Variants in PPFIBP2 observed in about 807,000 individuals in gnomAD.
PPFIBP2 encodes the protein PPFIB scaffold protein 2.
Under a neutral mutation model 118.3 loss-of-function variants are expected in PPFIBP2, and 118 were observed. The observed-to-expected ratio is 1.00, with a 90% CI of 0.86 to 1.16. PPFIBP2 has a LOEUF of 1.16. Ranked by LOEUF, PPFIBP2 falls within the 50% of genes most tolerant of loss-of-function variation. PPFIBP2 has a pLI of 0.00. For synonymous variants in PPFIBP2, 414 were observed against 397.4 expected (o/e 1.04, Z -0.50); for missense variants, 1,195 against 1,073.1 (o/e 1.11, Z -1.59).
chr11:7,619,929 A>G (rs747179952), intron 6 of PPFIBP2, among the ~76,000 whole-genome samples: 41 of 152,246 alleles, frequency 2.7e-4, no homozygotes, highest in Non-Finnish European at 4.6e-4. Flanking sequence ...TGCAGTTCAG[A>G]AAGCCTATGG....
At chr11:7,600,615 C>T (rs1168047017) in intron 5 of PPFIBP2, among the ~76,000 whole-genome samples, 1 of 152,202 alleles carries the variant, frequency 6.6e-6, no homozygotes, top group East Asian at 1.9e-4. Context: ...CAAGGCGAGC[C>T]TGCTGCTCAA....
chr11:7,550,110 A>G (rs1363954347), intron 2 of PPFIBP2, among the ~76,000 whole-genome samples: 4 of 152,340 alleles, frequency 2.6e-5, no homozygotes, highest in African/African-American at 9.6e-5. Flanking sequence ...AGCTGTGGTT[A>G]ATTTGAAAGG....
chr11:7,632,847 C>G lies in PPFIBP2; in HGVS notation c.1069-20C>G, dbSNP rs2135780091. The G allele has an allele frequency of 1.2e-6, 2 of 1,602,270 alleles. No homozygotes were observed. Among genetic ancestry groups the G allele is most frequent in the East Asian group, 2.2e-5 (1 of 44,794 alleles). On this transcript the variant is annotated intron_variant, in intron 11 of 23. Coordinates refer to ENST00000299492, the MANE Select transcript of PPFIBP2 (RefSeq NM_003621.5). ...CCAAACAGACTGTCCTCTACCGTGACTCTTCTGTCTCTGGTGCAGATGCCT... is the reference window on the plus strand; with the variant it reads ...CCAAACAGACTGTCCTCTACCGTGAGTCTTCTGTCTCTGGTGCAGATGCCT...
At chr11:7,577,311 ATGTATGTGCGTG>A (rs1240986684) in intron 3 of PPFIBP2, 10 of 224,956 alleles carry the variant, frequency 4.4e-5, no homozygotes, top group African/African-American at 2.1e-4. Flanking sequence ...GTGTGCGTGC[ATGTATGTGCGTG>A]TGTGTGTGTG....
intron 5 of PPFIBP2, 28 bp downstream of exon 5, chr11:7,597,701 G>A: frequency 6.4e-7 from 1 of 1,565,108 alleles, no homozygotes; most frequent in Non-Finnish European, 8.8e-7. Context: ...GAAGGCCCTT[G>A]GGTGCCGAAG....
chr11:7,534,906 C>T (rs1189594313), intron 1 of PPFIBP2, among the ~76,000 whole-genome samples: 1 of 152,242 alleles, frequency 6.6e-6, no homozygotes, highest in African/African-American at 2.4e-5. Context: ...CCGCAGGTTG[C>T]TGGGGAGCCA....
At chr11:7,534,675 T>TA (rs1851047014) in intron 1 of PPFIBP2, among the ~76,000 whole-genome samples, 1 of 151,888 alleles carries the variant, frequency 6.6e-6, no homozygotes. Context: ...AGAATGGAGG[T>TA]AAGGACTACC....
At chr11:7,614,430 A>G (rs926971487) in intron 6 of PPFIBP2, among the ~76,000 whole-genome samples, 1 of 152,188 alleles carries the variant, frequency 6.6e-6, no homozygotes, top group Non-Finnish European at 1.5e-5. Flanking sequence ...TTTTACACCA[A>G]GTATGTTTTT....
At position 7,629,462 on chromosome 11, in the gene PPFIBP2, C is replaced by G. The variant is rs112515313; in HGVS notation, c.892C>G (p.Arg298Gly). The change falls in exon 10 of 24, where the codon CGT (arginine) becomes GGT (glycine). Residue 298 changes from arginine (R) to glycine (G), a missense_variant. Coordinates refer to ENST00000299492, the MANE Select transcript of PPFIBP2 (RefSeq NM_003621.5). ...ATCTCTACTTGCACTATGGCAGGAC[C>G]GTCGGATAGAGGAGCTTACGGGGCT... ...TLLLANEDKD[R>G]RIEELTGLLN... The G allele has an allele frequency of 5.6e-6, 9 of 1,613,828 alleles. No individual in the cohort carries two copies. Among genetic ancestry groups the G allele is most frequent in the Non-Finnish European group, 7.6e-6 (9 of 1,179,794 alleles).
chr11:7,597,343 A>G (rs1398756259), intron 4 of PPFIBP2: 3 of 1,535,632 alleles, frequency 2.0e-6, no homozygotes, highest in Non-Finnish European at 1.7e-6. Flanking sequence ...GACCCATGTC[A>G]TCAGAGCAGT....
At chr11:7,594,078 C>T (rs1038156931) in intron 4 of PPFIBP2, among the ~76,000 whole-genome samples, 17 of 152,256 alleles carry the variant, frequency 1.1e-4, no homozygotes, top group Non-Finnish European at 2.2e-4. Context: ...CTGGAACCCA[C>T]CCCAGGCTAT....
At chr11:7,608,644 AAAACAAAC>A (rs71470486) in intron 5 of PPFIBP2, among the ~76,000 whole-genome samples, 2 of 152,116 alleles carry the variant, frequency 1.3e-5, no homozygotes, top group African/African-American at 4.8e-5. Context: ...CTGTCTCAAA[AAAACAAAC>A]AAACAAACAA....
In PPFIBP2 at chr11:7,632,318, T is replaced by C. The variant is rs183836436; in HGVS notation, c.1069-549T>C. The C allele has an allele frequency of 9.8e-3, 1,506 of 154,028 alleles. 14 individuals carry two copies. The highest frequency in any genetic ancestry group is 0.023 in the South Asian group (112 of 4,906). 9.5% of individuals were successfully genotyped at this position (154,028 alleles called of 1,614,324 possible). On this transcript the variant is annotated intron_variant, in intron 11 of 23. Coordinates refer to ENST00000299492, the MANE Select transcript of PPFIBP2 (RefSeq NM_003621.5). ...TACAGGTGTTGGAGCCATAAGAGCA[T>C]TGCACATTATTCTGTTATCCTAGTG...
chr11:7,537,881 C>T (rs1851368679), intron 1 of PPFIBP2, among the ~76,000 whole-genome samples: 1 of 152,156 alleles, frequency 6.6e-6, no homozygotes, highest in Non-Finnish European at 1.5e-5. Flanking sequence ...CCTTTGGCAT[C>T]TCCCCAAACC....
At chr11:7,664,519 T>G in the PPFIBP2 span, among the ~76,000 whole-genome samples, 1 of 152,218 alleles carries the variant, frequency 6.6e-6, no homozygotes, top group Non-Finnish European at 1.5e-5. Flanking sequence ...ATGCACCCCT[T>G]CTGTAGCTGA....
chr11:7,555,674 C>T (rs538527117), intron 2 of PPFIBP2, among the ~76,000 whole-genome samples: 2 of 152,276 alleles, frequency 1.3e-5, no homozygotes, highest in African/African-American at 4.8e-5. Context: ...TCAAAGACTG[C>T]CCTTTGTATG....
At chr11:7,619,655 A>G (rs895885117) in intron 6 of PPFIBP2, among the ~76,000 whole-genome samples, 18 of 152,212 alleles carry the variant, frequency 1.2e-4, no homozygotes, top group Non-Finnish European at 2.1e-4. Context: ...CCTGAGTGGG[A>G]AAGAAATGAG....
chr11:7,603,748 A>C (rs1846964971), intron 5 of PPFIBP2, among the ~76,000 whole-genome samples: 1 of 152,184 alleles, frequency 6.6e-6, no homozygotes, highest in Admixed American at 6.5e-5. Flanking sequence ...TCTTAGAAGA[A>C]GTATTTGTCC....
chr11:7,582,550 G>A (rs895513690), intron 3 of PPFIBP2, among the ~76,000 whole-genome samples: 2 of 152,134 alleles, frequency 1.3e-5, no homozygotes, highest in South Asian at 4.1e-4. Context: ...GCACTACAGA[G>A]CAGCACAGCC....
Sources: gnomAD v4.1 joint callset for allele counts (sites outside exome capture counted in the v4.1 genomes callset) on GRCh38, gnomAD v4.1.1 for gene constraint, MANE v1.5 for transcripts, NCBI Gene and HGNC (gene_info 2026-07-23, HGNC 2026-07-21) for gene names.